Variants in DPY19L2 observed in about 807,000 individuals in gnomAD.
The protein encoded by DPY19L2 is probable C-mannosyltransferase DPY19L2.
DPY19L2 carries 34 observed loss-of-function variants against 97.9 expected under a neutral mutation model. The observed-to-expected ratio is 0.35, with a 90% CI of 0.26 to 0.46. The LOEUF is 0.46. Ranked by LOEUF, DPY19L2 falls within the 20% of genes least tolerant of loss-of-function variation. DPY19L2 has a pLI of 1.00. For missense variants in DPY19L2, 623 were observed against 911.4 expected, an observed-to-expected ratio of 0.68 and a Z score of 4.07; for synonymous variants, 230 against 307.9, an observed-to-expected ratio of 0.75 and a Z score of 2.65.
intron 16 of DPY19L2, among the ~76,000 whole-genome samples, chr12:63,592,327 C>A (rs905479035): frequency 2.0e-5 from 3 of 150,952 alleles, no homozygotes; most frequent in Admixed American, 2.0e-4. Context: ...GCCCGCATCA[C>A]CAAGTCAATC....
intron 1 of DPY19L2, among the ~76,000 whole-genome samples, chr12:63,667,306 A>C (rs1370965170): frequency 1.3e-5 from 2 of 152,170 alleles, no homozygotes; most frequent in East Asian, 3.8e-4. Flanking sequence ...ATGATATATA[A>C]GGAAAAGGTC....
rs1344252269 is a variant in DPY19L2, at chr12:63,570,340, G to A, written c.2000+418C>T. ...ACCTGTCACAAAAAGCTAGTCATTG[G>A]CCACCAGTAAGATCTAGAAATCATT... On this transcript the variant is annotated intron_variant, in intron 20 of 21. Coordinates refer to ENST00000324472, the MANE Select transcript of DPY19L2 (RefSeq NM_173812.5). 2.0e-5 allele frequency among the ~76,000 whole-genome samples: 3 copies of A among 152,036 alleles called. No individual in the cohort carries two copies. In the East Asian group the frequency reaches 5.8e-4, roughly 29 times the overall value.
Position 63,583,958 on chromosome 12 carries a change from G to A in DPY19L2, c.1581-122C>T, listed in dbSNP as rs567846237. ...ATGTGACTATCTCTAAACTACTTAC[G>A]AAAATACATAAAAATAAAAATATCA... On this transcript the variant is annotated intron_variant, in intron 16 of 21. Coordinates refer to ENST00000324472, the MANE Select transcript of DPY19L2 (RefSeq NM_173812.5). 1.1e-4 allele frequency: 71 copies of A among 669,504 alleles called. No individual in the cohort carries two copies. In the South Asian group the frequency reaches 1.1e-3, roughly 10 times the overall value. The allele number at this position is 669,504 out of a possible 1,614,324, so 41.5% of individuals were successfully genotyped here.
intron 12 of DPY19L2, among the ~76,000 whole-genome samples, chr12:63,603,190 C>T (rs1027542032): frequency 6.6e-6 from 1 of 151,962 alleles, no homozygotes; most frequent in Non-Finnish European, 1.5e-5. Context: ...TGAATTAAAT[C>T]CTTGACTTAA....
intron 6 of DPY19L2, among the ~76,000 whole-genome samples, chr12:63,638,279 T>C (rs1269167254): frequency 6.6e-6 from 1 of 152,106 alleles, no homozygotes; most frequent in Non-Finnish European, 1.5e-5. Context: ...ACCGGAAGCA[T>C]TCCCTTTGAA....
Position 63,597,604 on chromosome 12 carries a change from A to G in DPY19L2, c.1461+205T>C, listed in dbSNP as rs532000197. ...TCTTCTCAGATTATCTCATTTAACCATCATCAATAACTCTATAAGATAGAG... is the reference window on the plus strand; with the variant it reads ...TCTTCTCAGATTATCTCATTTAACCGTCATCAATAACTCTATAAGATAGAG... On this transcript the variant is annotated intron_variant, in intron 14 of 21. Transcript: ENST00000324472. Among the ~76,000 whole-genome samples, 44 of 151,338 alleles carry G rather than the reference A, an allele frequency of 2.9e-4. 1 individual carries two copies. Among genetic ancestry groups the G allele is most frequent in the African/African-American group, 9.7e-4 (40 of 41,182 alleles).
At chr12:63,665,813 T>C (rs1178706215) in intron 2 of DPY19L2, 22 bp downstream of exon 2, 2 of 1,560,048 alleles carry the variant, frequency 1.3e-6, no homozygotes, top group Middle Eastern at 2.3e-4. Flanking sequence ...TTTAAATATT[T>C]CAAACTGAAA....
chr12:63,642,015 A>G (rs1892770219), intron 6 of DPY19L2, among the ~76,000 whole-genome samples: 1 of 152,104 alleles, frequency 6.6e-6, no homozygotes, highest in African/African-American at 2.4e-5. Context: ...ATGATGGTGG[A>G]CAACTTTACA....
chr12:63,627,588 G>A (rs1476991266), intron 6 of DPY19L2, among the ~76,000 whole-genome samples: 2 of 152,118 alleles, frequency 1.3e-5, no homozygotes, highest in Non-Finnish European at 2.9e-5. Context: ...GACTTCAAGT[G>A]ATCCGGCCAC....
intron 19 of DPY19L2, among the ~76,000 whole-genome samples, chr12:63,572,604 C>T (rs1383202044): frequency 1.3e-5 from 2 of 152,130 alleles, no homozygotes; most frequent in Non-Finnish European, 2.9e-5. Context: ...GCAGTAGTTA[C>T]AATGAGCTTT....
intron 9 of DPY19L2, among the ~76,000 whole-genome samples, chr12:63,618,708 T>C (rs1364750323): frequency 6.6e-6 from 1 of 152,102 alleles, no homozygotes; most frequent in South Asian, 2.1e-4. Context: ...TCAGAAAGAC[T>C]GAAACCCATC....
chr12:63,668,576 G>A (rs532864987), upstream of DPY19L2: 494 of 645,482 alleles, frequency 7.7e-4, 7 homozygotes, highest in South Asian at 5.1e-3. Flanking sequence ...GAAGCCATTC[G>A]CGCGGGCAGT....
At chr12:63,629,238 G>A (rs1340113870) in intron 6 of DPY19L2, among the ~76,000 whole-genome samples, 4 of 152,156 alleles carry the variant, frequency 2.6e-5, no homozygotes, top group African/African-American at 7.2e-5. Context: ...CGAGTTGACA[G>A]AAGAAGGCTT....
chr12:63,628,533 T>G (rs950209052), intron 6 of DPY19L2, among the ~76,000 whole-genome samples: 9 of 152,218 alleles, frequency 5.9e-5, no homozygotes, highest in South Asian at 4.1e-4. Flanking sequence ...GCACCCACCA[T>G]GGCCAAGGCT....
chr12:63,607,581 G>T (rs1886269395), intron 12 of DPY19L2, among the ~76,000 whole-genome samples: 1 of 152,184 alleles, frequency 6.6e-6, no homozygotes. Context: ...TTGTTCTCTT[G>T]TATTGTGGGT....
intron 16 of DPY19L2, among the ~76,000 whole-genome samples, chr12:63,589,612 A>G (rs1230695709): frequency 6.6e-6 from 1 of 152,032 alleles, no homozygotes; most frequent in Non-Finnish European, 1.5e-5. Flanking sequence ...CTATATGTAA[A>G]TAGACACTTA....
chr12:63,632,406 T>A (rs1419574890), intron 6 of DPY19L2, among the ~76,000 whole-genome samples: 1 of 152,036 alleles, frequency 6.6e-6, no homozygotes, highest in East Asian at 1.9e-4. Flanking sequence ...TCACAACCAT[T>A]CCTATACACC....
chr12:63,624,633 G>T (rs1182194936), intron 7 of DPY19L2, among the ~76,000 whole-genome samples: 1 of 152,102 alleles, frequency 6.6e-6, no homozygotes, highest in Non-Finnish European at 1.5e-5. Context: ...TTTGTAAAAT[G>T]TACCGTAAAA....
chr12:63,617,068 CTT>C (rs1486827439), intron 11 of DPY19L2, among the ~76,000 whole-genome samples: 1 of 152,024 alleles, frequency 6.6e-6, no homozygotes, highest in Non-Finnish European at 1.5e-5. Flanking sequence ...TAAAGTAAGT[CTT>C]ATTACTTTAT....
Sources: allele counts gnomAD v4.1 joint callset (sites outside exome capture counted in the v4.1 genomes callset), GRCh38; gene constraint gnomAD v4.1.1; transcripts MANE v1.5; gene names NCBI Gene and HGNC (gene_info 2026-07-23, HGNC 2026-07-21).